TACC3: variants seen among roughly 807,000 people sequenced by gnomAD.
The protein encoded by TACC3 is transforming acidic coiled-coil-containing protein 3.
A neutral mutation model predicts 86.0 loss-of-function variants in TACC3; 52 were observed. The ratio of observed to expected loss-of-function variants is 0.60; its 90% confidence interval spans 0.48 to 0.76. The LOEUF is 0.76. TACC3 is among the 30% of genes least tolerant of loss of function. TACC3 has a pLI of 0.00. For synonymous variants in TACC3, 512 were observed against 430.0 expected (o/e 1.19, Z -2.36); for missense variants, 1,120 against 1,070.4 (o/e 1.05, Z -0.65).
At chr4:1,743,414 A>G (rs1448621864) in intron 13 of TACC3, among the ~76,000 whole-genome samples, 8 of 152,034 alleles carry the variant, frequency 5.3e-5, no homozygotes, top group Admixed American at 2.0e-4. Flanking sequence ...TTAGCCGGGC[A>G]TGGTGGCACG....
In TACC3 at chr4:1,728,760, C is replaced by G. The variant is rs1384722892; in HGVS notation, c.1358C>G (p.Thr453Arg). ...AAEQLHAGPA[T>R]EEPGPCLSQQ... ...GAACAGTTGCATGCTGGGCCTGCCA[C>G]GGAGGAGCCAGGTCCCTGTCTGAGC... is the stretch of plus-strand genomic sequence containing the variant. Residue 453 changes from threonine to arginine, a missense_variant, in exon 4 of 16, where the codon ACG becomes AGG. Coordinates refer to ENST00000313288, the MANE Select transcript of TACC3 (RefSeq NM_006342.3). 3.1e-6 allele frequency: 5 copies of G among 1,609,748 alleles called. No individual in the cohort carries two copies. The highest frequency in any genetic ancestry group is 1.7e-5 in the Admixed American group (1 of 59,528).
rs989480123 is a variant in TACC3, at chr4:1,745,033, C to T, written c.*20C>T. 3.1e-6 allele frequency: 5 copies of T among 1,593,682 alleles called. No individual in the cohort carries two copies. The African/African-American group carries it at 4.0e-5, about 13-fold the overall frequency. The stretch of plus-strand genomic sequence containing the variant: ...ATCTGACCTCCACGGAGCCGCTGTC[C>T]CCGCCCCCCTGCTCCCGTCTGTCTG... On this transcript the variant is annotated 3_prime_UTR_variant, in exon 16 of 16. Coordinates refer to ENST00000313288, the MANE Select transcript of TACC3 (RefSeq NM_006342.3).
chr4:1,720,656 A>G, upstream of TACC3: 1 of 1,545,960 alleles, frequency 6.5e-7, no homozygotes, highest in Non-Finnish European at 8.7e-7. The surrounding 1 kb of genome is among the most constrained non-coding windows in gnomAD (Gnocchi z 4.4). Flanking sequence ...CGAGTGGCAC[A>G]ACAGCGTGGC....
intron 6 of TACC3, among the ~76,000 whole-genome samples, chr4:1,732,735 G>A (rs766352289): frequency 1.8e-4 from 27 of 152,226 alleles, no homozygotes; most frequent in Non-Finnish European, 2.6e-4. Context: ...TTCTGTGTCC[G>A]GCGTCTCCCT....
At chr4:1,722,230 A>G (rs1333769462) in intron 1 of TACC3, among the ~76,000 whole-genome samples, 4 of 152,022 alleles carry the variant, frequency 2.6e-5, no homozygotes, top group Admixed American at 2.0e-4. Flanking sequence ...GCCCCTCCTG[A>G]CTAAGGCTGG....
upstream of TACC3, chr4:1,720,718 C>A (rs762597430): frequency 6.4e-6 from 10 of 1,561,282 alleles, no homozygotes; most frequent in Non-Finnish European, 7.8e-6. This position sits in a 1 kb window ranked among gnomAD's most constrained non-coding sequence, Gnocchi z 4.4. Flanking sequence ...CGCTGCCCAG[C>A]CAGCCCGACA....
Position 1,737,642 on chromosome 4 carries a change from C to T in TACC3, c.1881C>T (p.Pro627=), listed in dbSNP as rs1196173953. Reference sequence around the variant, plus strand: ...GTGTTCCCGCGCCTGGGGGCCCACCCCTGTCCACCGGACCTATAGTGGACC... The same window carrying T: ...GTGTTCCCGCGCCTGGGGGCCCACCTCTGTCCACCGGACCTATAGTGGACC... ...PPGVPAPGGP[P]LSTGPIVDLL... Residue 627 remains proline (P), a synonymous_variant, in exon 10 of 16, where the codon CCC becomes CCT. Coordinates refer to ENST00000313288, the MANE Select transcript of TACC3 (RefSeq NM_006342.3). 6 of 1,542,926 alleles carry T rather than the reference C, an allele frequency of 3.9e-6. No homozygotes were observed. The highest frequency in any genetic ancestry group is 5.3e-6 in the Non-Finnish European group (6 of 1,141,826).
intron 3 of TACC3, among the ~76,000 whole-genome samples, chr4:1,724,359 T>C (rs544421506): frequency 2.2e-3 from 330 of 151,260 alleles, no homozygotes; most frequent in South Asian, 3.6e-3. Context: ...CATCAGATAC[T>C]TGGATAACTT....
At position 1,735,750 on chromosome 4, in the gene TACC3, G is replaced by T; in HGVS notation, c.1664G>T (p.Arg555Met). ...CCCCAGTTTAAGGAGTCGGCCTTGA[G>T]GAAGCAGTCCTTATACCTCAAGTTC... ...GTSSFKESALRKQSLYLKFDP... is the reference protein window; with the variant it reads ...GTSSFKESALMKQSLYLKFDP... The change falls in exon 8 of 16, where the codon AGG becomes ATG. Residue 555 changes from arginine (R) to methionine (M), a missense_variant. Physicochemically the swap from Arg to Met is moderately conservative, Grantham distance 91. Coordinates refer to ENST00000313288, the MANE Select transcript of TACC3 (RefSeq NM_006342.3). The surrounding 1 kb of genome is among the most constrained non-coding windows in gnomAD (Gnocchi z 4.2). 1 of 1,613,328 alleles carries T rather than the reference G, an allele frequency of 6.2e-7. No individual in the cohort carries two copies. The highest frequency in any genetic ancestry group is 8.5e-7 in the Non-Finnish European group (1 of 1,179,868).
intron 2 of TACC3, 52 bp downstream of exon 2, chr4:1,723,635 T>A (rs775999949): frequency 1.2e-6 from 2 of 1,609,192 alleles, no homozygotes; most frequent in African/African-American, 2.7e-5. Context: ...TAGGGCCTGC[T>A]TTCTTGGTGA....
intron 6 of TACC3, among the ~76,000 whole-genome samples, chr4:1,733,642 C>T (rs1421005042): frequency 1.3e-5 from 2 of 151,950 alleles, no homozygotes; most frequent in African/African-American, 4.8e-5. Flanking sequence ...TGGGCGACAG[C>T]GAGACCCTAT....
chr4:1,735,735 A>T lies in TACC3; in HGVS notation c.1649A>T (p.Lys550Met). The T allele has an allele frequency of 6.2e-7, 1 of 1,612,400 alleles. No individual in the cohort carries two copies. Among genetic ancestry groups the T allele is most frequent in the Non-Finnish European group, 8.5e-7 (1 of 1,179,226 alleles). Residue 550 changes from lysine to methionine, a missense_variant, in exon 8 of 16, where the codon AAG becomes ATG. Transcript: ENST00000313288. The surrounding 1 kb of genome is among the most constrained non-coding windows in gnomAD (Gnocchi z 4.2). ...YLEQFGTSSF[K>M]ESALRKQSLY... is the part of the protein sequence containing the mutation. ...CACTTGCCCTCTTGTCCCCAGTTTA[A>T]GGAGTCGGCCTTGAGGAAGCAGTCC...
Position 1,728,176 on chromosome 4 carries a change from A to G in TACC3, c.774A>G (p.Glu258=). The G allele has an allele frequency of 6.2e-7, 1 of 1,611,784 alleles. No individual in the cohort carries two copies. ...CGCCTCCTGGTGCAATCCCTAAGGA[A>G]GCCTGCGGAGGAGCACCCCTGCAGG... ...ATSPPGAIPK[E]ACGGAPLQGL... Residue 258 remains glutamate (E), a synonymous_variant, in exon 4 of 16, where the codon GAA becomes GAG. Coordinates refer to ENST00000313288, the MANE Select transcript of TACC3 (RefSeq NM_006342.3).
At chr4:1,727,569 G>A in intron 3 of TACC3, 139 bp from the exon 4 acceptor site, 1 of 1,376,254 alleles carries the variant, frequency 7.3e-7, no homozygotes. Context: ...GTGGGGGGTG[G>A]AGAACGGGAA....
At chr4:1,731,546 A>G (rs1718009593) in intron 6 of TACC3, among the ~76,000 whole-genome samples, 1 of 152,242 alleles carries the variant, frequency 6.6e-6, no homozygotes, top group African/African-American at 2.4e-5. Context: ...CAGGAAAATG[A>G]GCAGGAGAGG....
intron 13 of TACC3, among the ~76,000 whole-genome samples, chr4:1,743,262 A>G (rs1718681531): frequency 1.4e-5 from 2 of 144,464 alleles, no homozygotes; most frequent in African/African-American, 2.6e-5. Context: ...CTCAAAAAAA[A>G]AAAAAAAAAA....
intron 1 of TACC3, chr4:1,723,175 C>A: frequency 1.9e-6 from 1 of 536,534 alleles, no homozygotes; most frequent in Non-Finnish European, 3.3e-6. Context: ...AGCTCTTGGT[C>A]CCAGGAAGCA....
rs776833617 is a variant in TACC3 at position 1,728,237 on chromosome 4, G to C, written c.835G>C (p.Val279Leu). The change falls in exon 4 of 16, where the codon GTG (valine) becomes CTG (leucine). Residue 279 changes from valine to leucine, a missense_variant. By Grantham distance (32) the Val-to-Leu change is conservative. Coordinates refer to ENST00000313288, the MANE Select transcript of TACC3 (RefSeq NM_006342.3). ...PGEALGCPAG[V>L]GTPVPADGTQ... Reference sequence around the variant, plus strand: ...CGAAGCCCTGGGCTGCCCTGCGGGTGTGGGCACCCCCGTGCCAGCAGATGG... The same window carrying C: ...CGAAGCCCTGGGCTGCCCTGCGGGTCTGGGCACCCCCGTGCCAGCAGATGG... 1.9e-6 allele frequency: 3 copies of C among 1,612,406 alleles called. No individual in the cohort carries two copies. Among genetic ancestry groups the C allele is most frequent in the Admixed American group, 1.7e-5 (1 of 59,974 alleles).
rs748066079 is a variant in TACC3, at chr4:1,744,593, C to T, written c.2299C>T (p.Leu767=). 1 of 1,613,234 alleles carries T rather than the reference C, an allele frequency of 6.2e-7. No homozygotes were observed. Among genetic ancestry groups the T allele is most frequent in the South Asian group, 1.1e-5 (1 of 91,082 alleles). ...ITQEGQRYQA[L]KAHAEEKLQL... ...CCAGGAGGGCCAGAGGTACCAAGCC[C>T]TGAAGGCCCACGCGGAGGAGAAGCT... Residue 767 remains leucine, a synonymous_variant, in exon 14 of 16, where the codon CTG becomes TTG. Transcript: ENST00000313288.
Sources: gnomAD v4.1 joint callset for allele counts (sites outside exome capture counted in the v4.1 genomes callset) on GRCh38, gnomAD v4.1.1 for gene constraint, Gnocchi (gnomAD v3.1) non-coding constraint, MANE v1.5 for transcripts, NCBI Gene and HGNC (gene_info 2026-07-23, HGNC 2026-07-21) for gene names.